Variants in SMYD3 observed in about 807,000 individuals in gnomAD.
The protein encoded by SMYD3 is SET and MYND domain containing 3.
A neutral mutation model predicts 57.7 loss-of-function variants in SMYD3; 36 were observed. The observed-to-expected ratio is 0.62, with a 90% CI of 0.48 to 0.82. The LOEUF is 0.82. SMYD3 is among the 40% of genes least tolerant of loss of function. The pLI is 0.00. For synonymous variants in SMYD3, 211 were observed against 195.0 expected, an observed-to-expected ratio of 1.08 and a Z score of -0.68; for missense variants, 515 against 538.8, an observed-to-expected ratio of 0.96 and a Z score of 0.44.
chr1:246,112,604 A>T (rs762349459), intron 5 of SMYD3, among the ~76,000 whole-genome samples: 2 of 152,212 alleles, frequency 1.3e-5, no homozygotes, highest in Non-Finnish European at 2.9e-5. Context: ...GCTACAATAC[A>T]AGGCTACTGC....
chr1:246,160,506 T>C (rs1478031777), intron 5 of SMYD3, among the ~76,000 whole-genome samples: 1 of 152,200 alleles, frequency 6.6e-6, no homozygotes, highest in South Asian at 2.1e-4. Context: ...GAAACATTAA[T>C]GAGCTTCTGA....
intron 5 of SMYD3, among the ~76,000 whole-genome samples, chr1:245,959,210 C>A (rs1430340189): frequency 6.6e-6 from 1 of 152,128 alleles, no homozygotes; most frequent in Admixed American, 6.5e-5. Flanking sequence ...GATTGACCTG[C>A]CTCAGCCTCC....
intron 5 of SMYD3, among the ~76,000 whole-genome samples, chr1:246,019,355 T>A (rs1374979505): frequency 6.6e-6 from 1 of 152,160 alleles, no homozygotes; most frequent in Non-Finnish European, 1.5e-5. Context: ...TGCTCTGGAG[T>A]CTCTCAAACG....
At chr1:245,962,442 ACT>A (rs752980905) in intron 5 of SMYD3, among the ~76,000 whole-genome samples, 1 of 152,128 alleles carries the variant, frequency 6.6e-6, no homozygotes, top group Non-Finnish European at 1.5e-5. Flanking sequence ...TGATCGCTAA[ACT>A]CTGCCTGAAG....
At chr1:246,476,223 G>A (rs1279872527) in intron 1 of SMYD3, among the ~76,000 whole-genome samples, 2 of 152,094 alleles carry the variant, frequency 1.3e-5, no homozygotes, top group South Asian at 2.1e-4. Context: ...CATTGCAAAC[G>A]TACCATCATC....
At chr1:245,804,204 C>T (rs1187048762) in intron 10 of SMYD3, among the ~76,000 whole-genome samples, 1 of 152,142 alleles carries the variant, frequency 6.6e-6, no homozygotes, top group Admixed American at 6.5e-5. Flanking sequence ...AGGCACCGCG[C>T]CCAGCTGAGT....
chr1:246,492,244 G>A (rs982789211), intron 1 of SMYD3, among the ~76,000 whole-genome samples: 2 of 152,082 alleles, frequency 1.3e-5, no homozygotes, highest in Non-Finnish European at 2.9e-5. Flanking sequence ...TATTTAGTAG[G>A]TAATTAGAGA....
intron 5 of SMYD3, among the ~76,000 whole-genome samples, chr1:246,258,613 T>C (rs2063941669): frequency 1.3e-5 from 2 of 152,212 alleles, no homozygotes; most frequent in Non-Finnish European, 2.9e-5. Context: ...GCTCCTGTTG[T>C]ACAAAATCTG....
In SMYD3 at chr1:246,507,249, C is replaced by T. The variant is rs1457485526; in HGVS notation, c.-32G>A. 3 of 1,471,032 alleles carry T rather than the reference C, an allele frequency of 2.0e-6. No individual in the cohort carries two copies. Among genetic ancestry groups the T allele is most frequent in the East Asian group, 2.9e-5 (1 of 34,548 alleles). The allele number at this position is 1,471,032 out of a possible 1,614,324, so 91.1% of individuals were successfully genotyped here. A position where few individuals can be genotyped will look rare whatever the true frequency, so the allele number is the denominator to read the frequency against. On this transcript the variant is annotated 5_prime_UTR_variant, in exon 1 of 12. Transcript: ENST00000490107. ...GCAGCTCCGGCACCTCAGACGGCTACCCGCGTCCAGCAGCGGGCGTCTCAC... is the reference window on the plus strand; with the variant it reads ...GCAGCTCCGGCACCTCAGACGGCTATCCGCGTCCAGCAGCGGGCGTCTCAC...
chr1:245,839,560 C>T (rs2148413930), intron 10 of SMYD3, among the ~76,000 whole-genome samples: 1 of 152,036 alleles, frequency 6.6e-6, no homozygotes. Flanking sequence ...GAGGGGGTGA[C>T]AGCCAAGGAG....
At chr1:246,473,299 T>C (rs2067985175) in intron 1 of SMYD3, among the ~76,000 whole-genome samples, 1 of 152,216 alleles carries the variant, frequency 6.6e-6, no homozygotes. Context: ...TTCAGCAGTT[T>C]GAGTTCAGAA....
intron 1 of SMYD3, among the ~76,000 whole-genome samples, chr1:246,466,768 A>G (rs2067888134): frequency 1.3e-5 from 2 of 152,284 alleles, no homozygotes. Context: ...GGATCACTTG[A>G]GCCCGGGAAA....
At chr1:245,853,076 T>C (rs973694434) in intron 10 of SMYD3, among the ~76,000 whole-genome samples, 1 of 152,172 alleles carries the variant, frequency 6.6e-6, no homozygotes, top group Non-Finnish European at 1.5e-5. Flanking sequence ...GAAGAAAACA[T>C]TTATTCATTT....
At chr1:246,140,104 A>G (rs1472541203) in intron 5 of SMYD3, among the ~76,000 whole-genome samples, 1 of 152,230 alleles carries the variant, frequency 6.6e-6, no homozygotes, top group African/African-American at 2.4e-5. Context: ...TTTCAAAAGG[A>G]TCATGAAGAA....
At chr1:246,197,464 G>GT (rs1172285816) in intron 5 of SMYD3, among the ~76,000 whole-genome samples, 10 of 151,808 alleles carry the variant, frequency 6.6e-5, no homozygotes, top group African/African-American at 1.2e-4. Flanking sequence ...CCCAAAATCC[G>GT]TAACTCCACT....
intron 1 of SMYD3, among the ~76,000 whole-genome samples, chr1:246,426,350 T>G (rs1476309680): frequency 6.6e-6 from 1 of 152,166 alleles, no homozygotes. Context: ...CAATGTAATT[T>G]TAGAACAGTT....
At chr1:246,245,505 C>A (rs1045566055) in intron 5 of SMYD3, among the ~76,000 whole-genome samples, 2 of 151,970 alleles carry the variant, frequency 1.3e-5, no homozygotes, top group Non-Finnish European at 2.9e-5. Flanking sequence ...ACATGTAGAT[C>A]CTCTTTTATT....
At chr1:246,346,145 G>A (rs1370837782) in intron 2 of SMYD3, among the ~76,000 whole-genome samples, 17 of 152,196 alleles carry the variant, frequency 1.1e-4, no homozygotes, top group Non-Finnish European at 2.2e-4. Flanking sequence ...TTAGCCGGGC[G>A]TGGTGGCGGG....
intron 1 of SMYD3, among the ~76,000 whole-genome samples, chr1:246,487,015 T>C (rs1426865455): frequency 6.6e-6 from 1 of 152,216 alleles, no homozygotes; most frequent in Non-Finnish European, 1.5e-5. Context: ...ATAGAAAATA[T>C]GGTCTAGAAC....
Sources: allele counts gnomAD v4.1 joint callset (sites outside exome capture counted in the v4.1 genomes callset), GRCh38; gene constraint gnomAD v4.1.1; transcripts MANE v1.5; gene names NCBI Gene and HGNC (gene_info 2026-07-23, HGNC 2026-07-21).